MIB1: variants seen among roughly 807,000 people sequenced by gnomAD.
The protein encoded by MIB1 is E3 ubiquitin-protein ligase MIB1.
A neutral mutation model predicts 124.5 loss-of-function variants in MIB1; 278 were observed. The observed-to-expected ratio is 2.23, with a 90% CI of 2.02 to 2.47. The LOEUF (loss-of-function observed/expected upper bound fraction) is 2.47, where lower values mean the gene tolerates loss of function less well. MIB1 is among the 30% of genes most tolerant of loss of function. MIB1 has a pLI of 0.00. For missense variants in MIB1, 957 were observed against 1,254.4 expected (o/e 0.76, Z 3.58); for synonymous variants, 446 against 429.4 (o/e 1.04, Z -0.48).
intron 10 of MIB1, among the ~76,000 whole-genome samples, chr18:21,810,679 A>G (rs982141276): frequency 1.3e-5 from 2 of 151,788 alleles, no homozygotes; most frequent in Non-Finnish European, 1.5e-5. Flanking sequence ...CTAGATATTC[A>G]TATGTAAAAG....
chr18:21,821,121 A>C (rs912126570), intron 12 of MIB1, among the ~76,000 whole-genome samples: 5 of 152,134 alleles, frequency 3.3e-5, no homozygotes, highest in African/African-American at 1.2e-4. Flanking sequence ...TGCTGACCCA[A>C]TTAAGTACTC....
chr18:21,837,414 A>G (rs1780377985), intron 12 of MIB1, among the ~76,000 whole-genome samples: 2 of 152,230 alleles, frequency 1.3e-5, no homozygotes, highest in African/African-American at 4.8e-5. Context: ...AGGCTGAGGC[A>G]GGAGAATGAC....
At chr18:21,724,360 A>G (rs547396590) in intron 1 of MIB1, 60 of 152,292 alleles carry the variant, frequency 3.9e-4, no homozygotes, top group African/African-American at 1.3e-3. Context: ...ACTGAAAATC[A>G]TAACATATAC....
intron 7 of MIB1, among the ~76,000 whole-genome samples, chr18:21,792,788 G>A (rs2041522566): frequency 6.6e-6 from 1 of 152,164 alleles, no homozygotes; most frequent in Non-Finnish European, 1.5e-5. Context: ...ACGCAGACCT[G>A]TCTTATTTCA....
At chr18:21,724,723 AAAAAATATATAT>A (rs1335801943) in intron 1 of MIB1, among the ~76,000 whole-genome samples, 7 of 53,848 alleles carry the variant, frequency 1.3e-4, no homozygotes, top group Admixed American at 2.4e-4. Context: ...AAAAAAAAAA[AAAAAATATATAT>A]ATATATATAT....
chr18:21,771,923 C>A (rs531494703), intron 3 of MIB1, among the ~76,000 whole-genome samples: 1 of 151,642 alleles, frequency 6.6e-6, no homozygotes, highest in Non-Finnish European at 1.5e-5. Flanking sequence ...CCACTTGAAC[C>A]GGGGAGGCGG....
chr18:21,843,943 A>G, intron 14 of MIB1, 149 bp from the exon 15 acceptor site: 1 of 649,958 alleles, frequency 1.5e-6, no homozygotes, highest in Non-Finnish European at 2.6e-6. Context: ...ACAGGGTTGG[A>G]GAAGAGTAGA....
Position 21,843,177 on chromosome 18 carries a change from T to G in MIB1, c.2009T>G (p.Leu670Arg). 1 of 1,603,230 alleles carries G rather than the reference T, an allele frequency of 6.2e-7. No individual in the cohort carries two copies. Among genetic ancestry groups the G allele is most frequent in the African/African-American group, 1.3e-5 (1 of 74,476 alleles). ...CAGAATGTGAACCAACAAACTGCCC[T>G]ACACCTTGCTGTTGAACGACAGCAT... Reference protein sequence around the residue: ...DIQNVNQQTALHLAVERQHTQ... With the variant: ...DIQNVNQQTARHLAVERQHTQ... The change falls in exon 14 of 21, where the codon CTA becomes CGA. Residue 670 changes from leucine (L) to arginine (R), a missense_variant. Physicochemically the swap from Leu to Arg is moderately radical, Grantham distance 102. Coordinates refer to ENST00000261537, the MANE Select transcript of MIB1 (RefSeq NM_020774.4).
chr18:21,833,940 A>G (rs974349619), intron 12 of MIB1, among the ~76,000 whole-genome samples: 2 of 152,172 alleles, frequency 1.3e-5, no homozygotes, highest in Non-Finnish European at 2.9e-5. Context: ...CATTAGGGAA[A>G]ATATCTCTAA....
At chr18:21,720,056 C>T (rs1298354659) in intron 1 of MIB1, among the ~76,000 whole-genome samples, 1 of 152,148 alleles carries the variant, frequency 6.6e-6, no homozygotes, top group African/African-American at 2.4e-5. Context: ...GGAACCTGTT[C>T]ATTAGTCCAA....
chr18:21,807,660 A>C (rs2041723763), intron 10 of MIB1, among the ~76,000 whole-genome samples: 1 of 152,196 alleles, frequency 6.6e-6, no homozygotes, highest in Non-Finnish European at 1.5e-5. Context: ...AGAGGATAGA[A>C]GCTAAGGATG....
At chr18:21,835,801 C>CTCCA (rs1555695315) in intron 12 of MIB1, among the ~76,000 whole-genome samples, 3 of 101,586 alleles carry the variant, frequency 3.0e-5, no homozygotes, top group African/African-American at 3.9e-5. Context: ...ATATATATAT[C>CTCCA]CACACACACA....
At chr18:21,743,423 T>G (rs900840934) in intron 1 of MIB1, among the ~76,000 whole-genome samples, 2 of 152,244 alleles carry the variant, frequency 1.3e-5, no homozygotes, top group Non-Finnish European at 2.9e-5. Flanking sequence ...TTATTTCATG[T>G]TTTCTTTACA....
At chr18:21,847,631 A>G (rs1186858955) in intron 16 of MIB1, among the ~76,000 whole-genome samples, 5 of 152,114 alleles carry the variant, frequency 3.3e-5, no homozygotes, top group South Asian at 2.1e-4. Context: ...CTGGCTCTAT[A>G]TTTAAAATTT....
intron 10 of MIB1, among the ~76,000 whole-genome samples, chr18:21,805,126 C>T (rs2041689675): frequency 6.6e-6 from 1 of 152,082 alleles, no homozygotes; most frequent in Non-Finnish European, 1.5e-5. Context: ...GATTCTCATG[C>T]CTCAGCCTCC....
In MIB1 at chr18:21,815,534, GC is replaced by G. The variant is rs1367158649; in HGVS notation, c.1480-81del. ...ACATTGCCTTTTCTCAAATTAATCT[GC>G]TTCTTGGTATATTATTATAGCTTCA... On this transcript the variant is annotated intron_variant, in intron 10 of 20. Transcript: ENST00000261537. The G allele has an allele frequency of 3.9e-5, 48 of 1,228,816 alleles. No homozygotes were observed. In the East Asian group the frequency reaches 1.1e-3, roughly 27 times the overall value. The allele number at this position is 1,228,816 out of a possible 1,614,324, so 76.1% of individuals were successfully genotyped here. A position where few individuals can be genotyped will look rare whatever the true frequency, so the allele number is the denominator to read the frequency against.
upstream of MIB1, among the ~76,000 whole-genome samples, chr18:21,739,059 AAG>A (rs1275225088): frequency 6.6e-6 from 1 of 151,894 alleles, no homozygotes; most frequent in Non-Finnish European, 1.5e-5. Flanking sequence ...AATGCAGAAG[AAG>A]AGAGAAGAAT....
At chr18:21,768,387 TATATA>T (rs1026105632) in intron 2 of MIB1, among the ~76,000 whole-genome samples, 4 of 152,188 alleles carry the variant, frequency 2.6e-5, no homozygotes, top group Non-Finnish European at 5.9e-5. Flanking sequence ...TTTTACATAT[TATATA>T]ATAAAAGCTT....
At chr18:21,791,294 T>G in intron 6 of MIB1, 80 bp from the exon 7 acceptor site, 1 of 1,208,910 alleles carries the variant, frequency 8.3e-7, no homozygotes, top group Non-Finnish European at 1.2e-6. Flanking sequence ...TGCCTTACTC[T>G]TTTGATCTTC....
Sources: allele counts gnomAD v4.1 joint callset (sites outside exome capture counted in the v4.1 genomes callset), GRCh38; gene constraint gnomAD v4.1.1; transcripts MANE v1.5; gene names NCBI Gene and HGNC (gene_info 2026-07-23, HGNC 2026-07-21).